LHFPL6: variants seen among roughly 807,000 people sequenced by gnomAD.
The protein encoded by LHFPL6 is LHFPL tetraspan subfamily member 6, also known as LHFPL tetraspan subfamily member 6 protein.
LHFPL6 carries 9 observed loss-of-function variants against 20.6 expected under a neutral mutation model. The observed-to-expected ratio is 0.44, with a 90% confidence interval of 0.26 to 0.76. LHFPL6 has a LOEUF of 0.76. Ranked by LOEUF, LHFPL6 falls within the 30% of genes least tolerant of loss-of-function variation. The pLI is 0.20. For synonymous variants in LHFPL6, 105 were observed against 98.7 expected (o/e 1.06, Z -0.38); for missense variants, 218 against 253.5 (o/e 0.86, Z 0.95).
At chr13:39,372,991 C>A (rs1870199266) in intron 3 of LHFPL6, among the ~76,000 whole-genome samples, 1 of 152,146 alleles carries the variant, frequency 6.6e-6, no homozygotes, top group Non-Finnish European at 1.5e-5. Flanking sequence ...CATGTCACCC[C>A]AGACCACATG....
At chr13:39,461,107 C>T (rs897975849) in intron 2 of LHFPL6, among the ~76,000 whole-genome samples, 1 of 152,132 alleles carries the variant, frequency 6.6e-6, no homozygotes, top group Non-Finnish European at 1.5e-5. Context: ...TCTGTTCTTG[C>T]ATTAATTCGC....
intron 3 of LHFPL6, among the ~76,000 whole-genome samples, chr13:39,346,830 G>C (rs1305046077): frequency 6.6e-6 from 1 of 152,056 alleles, no homozygotes; most frequent in Non-Finnish European, 1.5e-5. Context: ...TTCAAGACTG[G>C]CCTTGCCAAC....
At chr13:39,501,381 G>T (rs953936073) in intron 2 of LHFPL6, among the ~76,000 whole-genome samples, 4 of 152,034 alleles carry the variant, frequency 2.6e-5, no homozygotes, top group Admixed American at 2.0e-4. Flanking sequence ...TCTCTAAACA[G>T]CCCAGAATTT....
chr13:39,544,915 A>G lies in LHFPL6; in HGVS notation c.385+55917T>C, dbSNP rs138320255. Among the ~76,000 whole-genome samples, 323 of 152,054 alleles carry G rather than the reference A, an allele frequency of 2.1e-3. 3 individuals carry two copies. The highest frequency in any genetic ancestry group is 7.1e-3 in the African/African-American group (292 of 41,396). ...TACAAATAGGCAAACATCCAACTTA[A>G]TTTTCAAACCAAGATTACTAAAAAG... On this transcript the variant is annotated intron_variant, in intron 2 of 3. Coordinates refer to ENST00000379589, the MANE Select transcript of LHFPL6 (RefSeq NM_005780.3).
rs953678139 is a variant in LHFPL6, at chr13:39,348,651, G to A, written c.485-4597C>T. Among the ~76,000 whole-genome samples, 4 of 152,286 alleles carry A rather than the reference G, an allele frequency of 2.6e-5. No homozygotes were observed. The East Asian group carries it at 7.7e-4, about 29-fold the overall frequency. On this transcript the variant is annotated intron_variant, in intron 3 of 3. Coordinates refer to ENST00000379589, the MANE Select transcript of LHFPL6 (RefSeq NM_005780.3). ...CACTCTGGGGAACCAGATCTAAGGA[G>A]TGAATGAACAAAGACTTTCTTGCTT...
chr13:39,499,232 A>G (rs1387960172), intron 2 of LHFPL6, among the ~76,000 whole-genome samples: 1 of 143,124 alleles, frequency 7.0e-6, no homozygotes, highest in Non-Finnish European at 1.5e-5. Context: ...TTCTATACTC[A>G]AGGCATGGCA....
intron 2 of LHFPL6, among the ~76,000 whole-genome samples, chr13:39,487,117 C>A (rs564390120): frequency 6.6e-6 from 1 of 152,296 alleles, no homozygotes; most frequent in Non-Finnish European, 1.5e-5. Flanking sequence ...TCTTAAAAAT[C>A]TTTTGGAAAC....
chr13:39,409,916 G>GC (rs370790063), intron 2 of LHFPL6, among the ~76,000 whole-genome samples: 4 of 152,276 alleles, frequency 2.6e-5, no homozygotes, highest in African/African-American at 9.6e-5. Flanking sequence ...CAACAATATG[G>GC]CAAGATCTCT....
At chr13:39,370,214 G>A (rs1053655491) in intron 3 of LHFPL6, among the ~76,000 whole-genome samples, 8 of 152,076 alleles carry the variant, frequency 5.3e-5, no homozygotes, top group East Asian at 3.9e-4. Flanking sequence ...TCCCTTGGAC[G>A]CGGAAGTTTC....
intron 2 of LHFPL6, among the ~76,000 whole-genome samples, chr13:39,549,164 C>T (rs778558524): frequency 1.3e-5 from 2 of 152,092 alleles, no homozygotes; most frequent in Non-Finnish European, 2.9e-5. Context: ...ATAATGTTCA[C>T]TGACCATCAG....
intron 2 of LHFPL6, among the ~76,000 whole-genome samples, chr13:39,594,028 GGCATTA>G (rs375117079): frequency 0.12 from 18,635 of 151,936 alleles, 1,249 homozygotes; most frequent in Admixed American, 0.19. Flanking sequence ...AGAAAACTTA[GGCATTA>G]CCATTCAGGA....
intron 2 of LHFPL6, among the ~76,000 whole-genome samples, chr13:39,563,482 T>C (rs954185327): frequency 2.0e-5 from 3 of 152,086 alleles, no homozygotes; most frequent in Non-Finnish European, 2.9e-5. Context: ...CTTATACAGA[T>C]CAAATAGGTG....
At chr13:39,448,971 G>A (rs1393015065) in intron 2 of LHFPL6, among the ~76,000 whole-genome samples, 1 of 152,194 alleles carries the variant, frequency 6.6e-6, no homozygotes, top group African/African-American at 2.4e-5. Context: ...TCTGATCTGG[G>A]GAGCTAATCC....
intron 2 of LHFPL6, among the ~76,000 whole-genome samples, chr13:39,396,742 A>G (rs1487696539): frequency 6.6e-6 from 1 of 152,088 alleles, no homozygotes; most frequent in African/African-American, 2.4e-5. Context: ...GCTGCAGTAA[A>G]CTGTGATCAT....
intron 2 of LHFPL6, among the ~76,000 whole-genome samples, chr13:39,516,143 G>A (rs948392682): frequency 2.0e-5 from 3 of 152,062 alleles, no homozygotes; most frequent in Non-Finnish European, 4.4e-5. Flanking sequence ...ATTTCTGTAC[G>A]CTTCACATTC....
At chr13:39,507,058 AG>A (rs1320361636) in intron 2 of LHFPL6, among the ~76,000 whole-genome samples, 7 of 152,254 alleles carry the variant, frequency 4.6e-5, no homozygotes, top group Non-Finnish European at 1.5e-5. Flanking sequence ...GGGTTATCCA[AG>A]CAATAGTTGG....
At position 39,361,105 on chromosome 13, in the gene LHFPL6, G is replaced by T. The variant is rs1869857482; in HGVS notation, c.485-17051C>A. Among the ~76,000 whole-genome samples the T allele has an allele frequency of 4.1e-5, 4 of 96,842 alleles. 2 individuals are homozygous for T. The highest frequency in any genetic ancestry group is 4.9e-5 in the Non-Finnish European group (2 of 41,100). 63.5% of individuals were successfully genotyped at this position (96,842 alleles called of 152,430 possible). A position where few individuals can be genotyped will look rare whatever the true frequency, so the allele number is the denominator to read the frequency against. On this transcript the variant is annotated intron_variant, in intron 3 of 3. Transcript: ENST00000379589. Reference sequence around the variant, plus strand: ...GTGAAAGGGCAGGACACACTGACCAGTAGCTGGACTTGACACAAGGGTCAG... The same window carrying T: ...GTGAAAGGGCAGGACACACTGACCATTAGCTGGACTTGACACAAGGGTCAG...
intron 2 of LHFPL6, among the ~76,000 whole-genome samples, chr13:39,593,544 G>A (rs996839457): frequency 6.6e-6 from 1 of 151,748 alleles, no homozygotes; most frequent in Non-Finnish European, 1.5e-5. Context: ...ACTGCCCAAG[G>A]TAATTTATAG....
At chr13:39,410,667 A>G in intron 2 of LHFPL6, among the ~76,000 whole-genome samples, 1 of 152,216 alleles carries the variant, frequency 6.6e-6, no homozygotes, top group East Asian at 1.9e-4. Flanking sequence ...GTTCTGGAGA[A>G]ATGCAGCTCC....
Sources: allele counts gnomAD v4.1 joint callset (sites outside exome capture counted in the v4.1 genomes callset), GRCh38; gene constraint gnomAD v4.1.1; transcripts MANE v1.5; gene names NCBI Gene and HGNC (gene_info 2026-07-23, HGNC 2026-07-21).